The following KCNQ1 variants were observed in gnomAD, a reference collection of about 807,000 sequenced individuals.
KCNQ1 encodes the protein potassium voltage-gated channel subfamily Q member 1, also known as potassium voltage-gated channel subfamily KQT member 1.
In KCNQ1, 49 loss-of-function variants were observed where a neutral mutation model predicts 72.4. The ratio of observed to expected loss-of-function variants is 0.68; its 90% CI spans 0.54 to 0.86. The LOEUF is 0.86. Ranked by LOEUF, KCNQ1 falls within the 40% of genes least tolerant of loss-of-function variation. KCNQ1 has a pLI of 0.00. For synonymous variants in KCNQ1, 450 were observed against 412.6 expected (o/e 1.09, Z -1.10); for missense variants, 790 against 945.1 (o/e 0.84, Z 2.15).
In KCNQ1 at chr11:2,544,193, T is replaced by C. The variant is rs1269142122; in HGVS notation, c.477+16175T>C. On this transcript the variant is annotated intron_variant, in intron 2 of 15. Coordinates refer to ENST00000155840, the MANE Select transcript of KCNQ1 (RefSeq NM_000218.3). This position sits in a 1 kb window ranked among gnomAD's most constrained non-coding sequence, Gnocchi z 4.4. ...GGGAGAATTGATGTCTTAACCAATA[T>C]TGAATCCTCTGATCAATGAGATTAT... 6.6e-6 allele frequency among the ~76,000 whole-genome samples: 1 copy of C among 151,848 alleles called. No homozygotes were observed. The highest frequency in any genetic ancestry group is 1.5e-5 in the Non-Finnish European group (1 of 67,984).
chr11:2,536,203 C>T lies in KCNQ1; in HGVS notation c.477+8185C>T, dbSNP rs112818110. ...GCAGCAGGGGCGCTCAGCTGGGCCG[C>T]GGCTCCACGGTGTTAAGGGATTCTA... On this transcript the variant is annotated intron_variant, in intron 2 of 15. Coordinates refer to ENST00000155840, the MANE Select transcript of KCNQ1 (RefSeq NM_000218.3). The surrounding 1 kb of genome is among the most constrained non-coding windows in gnomAD (Gnocchi z 7.4). Among the ~76,000 whole-genome samples the T allele has an allele frequency of 0.021, 3,275 of 152,340 alleles. 100 individuals are homozygous for T. The highest frequency in any genetic ancestry group is 0.072 in the African/African-American group (2,980 of 41,570).
chr11:2,770,859 C>T (rs923275759), intron 12 of KCNQ1, among the ~76,000 whole-genome samples: 2 of 152,248 alleles, frequency 1.3e-5, no homozygotes, highest in South Asian at 2.1e-4. Flanking sequence ...CTGGCAGCAC[C>T]AGTGCTCTCC....
chr11:2,503,860 G>C (rs1306181216), intron 1 of KCNQ1, among the ~76,000 whole-genome samples: 1 of 152,152 alleles, frequency 6.6e-6, no homozygotes, highest in Admixed American at 6.5e-5. Context: ...TGGAGAAAAG[G>C]GAATCCTTGT....
At chr11:2,844,141 C>T (rs962958196) in intron 15 of KCNQ1, among the ~76,000 whole-genome samples, 2 of 152,194 alleles carry the variant, frequency 1.3e-5, no homozygotes, top group African/African-American at 2.4e-5. Context: ...GAGATGAAGG[C>T]GCCCTGCCCG....
At chr11:2,804,470 G>A (rs2134030096) in intron 15 of KCNQ1, among the ~76,000 whole-genome samples, 1 of 152,348 alleles carries the variant, frequency 6.6e-6, no homozygotes, top group East Asian at 1.9e-4. Context: ...ATGAGGGGAG[G>A]GAGGGATGGA....
Position 2,783,566 on chromosome 11 carries a change from T to G in KCNQ1, c.1794+5529T>G, listed in dbSNP as rs1470578590. 6.6e-6 allele frequency among the ~76,000 whole-genome samples: 1 copy of G among 152,114 alleles called. No homozygotes were observed. The highest frequency in any genetic ancestry group is 1.9e-4 in the East Asian group (1 of 5,204). ...GGCATAGGGCAAATTTCTGTTTAAC[T>G]TTCTAAGAAACTTCTAAACTGTTTC... On this transcript the variant is annotated intron_variant, in intron 15 of 15. Coordinates refer to ENST00000155840, the MANE Select transcript of KCNQ1 (RefSeq NM_000218.3). This position sits in a 1 kb window ranked among gnomAD's most constrained non-coding sequence, Gnocchi z 5.2.
At chr11:2,640,173 G>A (rs138707643) in intron 10 of KCNQ1, 67 of 381,770 alleles carry the variant, frequency 1.8e-4, no homozygotes, top group Middle Eastern at 6.6e-4. Context: ...GCGATGCCTC[G>A]CCCTACTTCG....
rs1343028267 is a variant in KCNQ1, at chr11:2,762,939, C to G, written c.1515-5905C>G. Among the ~76,000 whole-genome samples, 1 of 152,206 alleles carries G rather than the reference C, an allele frequency of 6.6e-6. No individual in the cohort carries two copies. Among genetic ancestry groups the G allele is most frequent in the Non-Finnish European group, 1.5e-5 (1 of 68,036 alleles). The stretch of plus-strand genomic sequence containing the variant: ...CTGCCCACACGCTCTTAATCAAGCC[C>G]TGTGGCCTCATGAAACCCTAGGAGT... On this transcript the variant is annotated intron_variant, in intron 11 of 15. Coordinates refer to ENST00000155840, the MANE Select transcript of KCNQ1 (RefSeq NM_000218.3). The surrounding 1 kb of genome is among the most constrained non-coding windows in gnomAD (Gnocchi z 4.3).
At position 2,572,927 on chromosome 11, in the gene KCNQ1, G is replaced by T. The variant is rs946704016; in HGVS notation, c.862G>T (p.Val288Leu). 1.9e-6 allele frequency: 3 copies of T among 1,613,816 alleles called. No homozygotes were observed. The highest frequency in any genetic ancestry group is 1.3e-5 in the African/African-American group (1 of 75,062). ...TGTGTACCTGGCTGAGAAGGACGCG[G>T]TGAACGAGTCAGGCCGCGTGGAGTT... is the stretch of plus-strand genomic sequence containing the variant. ...YFVYLAEKDAVNESGRVEFGS... is the reference protein window; with the variant it reads ...YFVYLAEKDALNESGRVEFGS... The change falls in exon 6 of 16, where the codon GTG (valine) becomes TTG (leucine). Residue 288 changes from valine (V) to leucine (L), a missense_variant. Val to Leu is a conservative substitution (Grantham distance 32, BLOSUM62 1). Transcript: ENST00000155840.
At chr11:2,778,077 T>C (rs748528295) in intron 15 of KCNQ1, 40 bp downstream of exon 15, 9 of 1,595,662 alleles carry the variant, frequency 5.6e-6, no homozygotes, top group Non-Finnish European at 7.7e-6. Context: ...CTGGTTAGCG[T>C]CCTGGGGCCA....
chr11:2,839,733 T>G (rs967776807), intron 15 of KCNQ1: 1 of 151,768 alleles, frequency 6.6e-6, no homozygotes. Context: ...AGAAGAGGCC[T>G]TCTCCGGGTT....
chr11:2,811,473 C>G (rs981248022), intron 15 of KCNQ1, among the ~76,000 whole-genome samples: 2 of 152,214 alleles, frequency 1.3e-5, no homozygotes, highest in Non-Finnish European at 2.9e-5. Flanking sequence ...GTGTCTGTGC[C>G]GCTGGAGACC....
At position 2,600,574 on chromosome 11, in the gene KCNQ1, T is replaced by C. The variant is rs1848788995; in HGVS notation, c.1393+11720T>C. On this transcript the variant is annotated intron_variant, in intron 10 of 15. Coordinates refer to ENST00000155840, the MANE Select transcript of KCNQ1 (RefSeq NM_000218.3). This position sits in a 1 kb window ranked among gnomAD's most constrained non-coding sequence, Gnocchi z 5.6. ...TGTGTATTTCTGAAAAATAAAGATA[T>C]TATCTTTGAAAGCAGTAATACAGTT... 6.6e-6 allele frequency among the ~76,000 whole-genome samples: 1 copy of C among 152,216 alleles called. No individual in the cohort carries two copies. The highest frequency in any genetic ancestry group is 1.5e-5 in the Non-Finnish European group (1 of 68,032).
rs1172023946 is a variant in KCNQ1, at chr11:2,612,153, T to C, written c.1393+23299T>C. ...TACCAGTCTGTGGCCTATTAGAAAC[T>C]GGGCTACACAGCAGGAGGTGAGCAG... On this transcript the variant is annotated intron_variant, in intron 10 of 15. Coordinates refer to ENST00000155840, the MANE Select transcript of KCNQ1 (RefSeq NM_000218.3). This position sits in a 1 kb window ranked among gnomAD's most constrained non-coding sequence, Gnocchi z 5.5. 5.0e-6 allele frequency: 2 copies of C among 398,504 alleles called. No homozygotes were observed. The highest frequency in any genetic ancestry group is 8.8e-6 in the Non-Finnish European group (2 of 226,068). 24.7% of individuals were successfully genotyped at this position (398,504 alleles called of 1,614,324 possible). A position where few individuals can be genotyped will look rare whatever the true frequency, so the allele number is the denominator to read the frequency against.
chr11:2,653,305 T>C lies in KCNQ1; in HGVS notation c.1394-8656T>C. ...GGGGCAGTGCAGACCAGTTTAGCTA[T>C]TTTGTAACCTTGACTGCCCCCAGGC... On this transcript the variant is annotated intron_variant, in intron 10 of 15. Coordinates refer to ENST00000155840, the MANE Select transcript of KCNQ1 (RefSeq NM_000218.3). The surrounding 1 kb of genome is among the most constrained non-coding windows in gnomAD (Gnocchi z 5.3). 2.5e-6 allele frequency: 1 copy of C among 398,688 alleles called. No homozygotes were observed. The highest frequency in any genetic ancestry group is 4.4e-6 in the Non-Finnish European group (1 of 226,098). The allele number at this position is 398,688 out of a possible 1,614,324, so 24.7% of individuals were successfully genotyped here. A position where few individuals can be genotyped will look rare whatever the true frequency, so the allele number is the denominator to read the frequency against.
chr11:2,758,221 C>G (rs766247458), intron 11 of KCNQ1, among the ~76,000 whole-genome samples: 7 of 152,124 alleles, frequency 4.6e-5, no homozygotes, highest in Non-Finnish European at 8.8e-5. Flanking sequence ...TAAAAAACAG[C>G]CTGTCCAACT....
chr11:2,530,727 G>A lies in KCNQ1; in HGVS notation c.477+2709G>A, dbSNP rs77286269. Among the ~76,000 whole-genome samples, 824 of 152,324 alleles carry A rather than the reference G, an allele frequency of 5.4e-3. 9 individuals carry two copies. The highest frequency in any genetic ancestry group is 0.019 in the African/African-American group (780 of 41,554). On this transcript the variant is annotated intron_variant, in intron 2 of 15. Transcript: ENST00000155840. ...CATGTGTGCACATGTGTATCTGAGC[G>A]TGTACATGTGTGAATGTGGCCACAT...
intron 11 of KCNQ1, among the ~76,000 whole-genome samples, chr11:2,740,811 C>A (rs1016763293): frequency 2.0e-5 from 3 of 152,204 alleles, no homozygotes; most frequent in Non-Finnish European, 4.4e-5. Flanking sequence ...CTCTGTGCGT[C>A]CCCTGCGGCC....
chr11:2,697,053 C>A, intron 11 of KCNQ1: 1 of 398,376 alleles, frequency 2.5e-6, no homozygotes, highest in South Asian at 1.3e-4. Flanking sequence ...CAGGAAAGGT[C>A]AAAAACATTT....
Sources: gnomAD v4.1 joint callset for allele counts (sites outside exome capture counted in the v4.1 genomes callset) on GRCh38, gnomAD v4.1.1 for gene constraint, Gnocchi (gnomAD v3.1) non-coding constraint, MANE v1.5 for transcripts, NCBI Gene and HGNC (gene_info 2026-07-23, HGNC 2026-07-21) for gene names.